The following ELAVL4 variants were observed in gnomAD, a reference collection of about 807,000 sequenced individuals.
The protein encoded by ELAVL4 is ELAV-like protein 4.
ELAVL4 carries 1 observed loss-of-function variant against 35.6 expected under a neutral mutation model. That is an observed-to-expected ratio of 0.03 (90% CI 0.01 to 0.13). The LOEUF (loss-of-function observed/expected upper bound fraction) is 0.13. Ranked by LOEUF, ELAVL4 falls within the 10% of genes least tolerant of loss-of-function variation. The pLI, the probability that ELAVL4 is intolerant of heterozygous loss-of-function variation, is 1.00. For synonymous variants in ELAVL4, 156 were observed against 171.0 expected, an observed-to-expected ratio of 0.91 and a Z score of 0.69; for missense variants, 267 against 464.9, an observed-to-expected ratio of 0.57 and a Z score of 3.91.
chr1:50,197,550 T>A (rs958709257), intron 6 of ELAVL4, 83 bp downstream of exon 6: 7 of 1,255,162 alleles, frequency 5.6e-6, no homozygotes, highest in Non-Finnish European at 7.5e-6. Context: ...TCACTAACTT[T>A]ACTTTAAAAG....
At chr1:50,130,995 A>G (rs575548366) in intron 1 of ELAVL4, among the ~76,000 whole-genome samples, 1 of 152,266 alleles carries the variant, frequency 6.6e-6, no homozygotes, top group Admixed American at 6.5e-5. Context: ...AAAAAAGGTA[A>G]ATTTCTGGGA....
At chr1:50,194,784 T>A (rs547549936) in intron 4 of ELAVL4, among the ~76,000 whole-genome samples, 1 of 152,108 alleles carries the variant, frequency 6.6e-6, no homozygotes, top group Non-Finnish European at 1.5e-5. Flanking sequence ...GAGGGCCCCA[T>A]TGAGGAGGCA....
chr1:50,109,889 T>G, intron 1 of ELAVL4: 1 of 1,610,278 alleles, frequency 6.2e-7, no homozygotes, highest in South Asian at 1.1e-5. Context: ...TACATAACGT[T>G]CCTTTCCGCT....
At chr1:50,158,490 C>A (rs1399695700) in intron 2 of ELAVL4, among the ~76,000 whole-genome samples, 1 of 152,094 alleles carries the variant, frequency 6.6e-6, no homozygotes, top group Non-Finnish European at 1.5e-5. Flanking sequence ...CAGCCACACA[C>A]AATTGTTTTG....
intron 1 of ELAVL4, among the ~76,000 whole-genome samples, chr1:50,129,895 T>G (rs1055117574): frequency 2.6e-5 from 4 of 152,136 alleles, no homozygotes; most frequent in Non-Finnish European, 5.9e-5. Flanking sequence ...TGTACTGAGC[T>G]CTGAACCAGG....
upstream of ELAVL4, chr1:50,103,808 C>T: frequency 8.7e-7 from 1 of 1,155,538 alleles, no homozygotes. Context: ...CCCCATTTTG[C>T]TAATTCAATT....
intron 1 of ELAVL4, among the ~76,000 whole-genome samples, chr1:50,073,111 T>C (rs1177624623): frequency 6.6e-6 from 1 of 152,234 alleles, no homozygotes; most frequent in Non-Finnish European, 1.5e-5. Context: ...TCTTCACCTG[T>C]GCATTCTACT....
At chr1:50,112,026 T>A (rs1667157972) in intron 1 of ELAVL4, among the ~76,000 whole-genome samples, 1 of 152,156 alleles carries the variant, frequency 6.6e-6, no homozygotes, top group South Asian at 2.1e-4. Context: ...GAAATATAAT[T>A]GGCTTTATTG....
At chr1:50,187,752 G>A (rs1682047799) in intron 3 of ELAVL4, among the ~76,000 whole-genome samples, 1 of 152,104 alleles carries the variant, frequency 6.6e-6, no homozygotes, top group South Asian at 2.1e-4. Context: ...ATAGAAGAAT[G>A]GAAGCTACAG....
chr1:50,052,371 A>G (rs923879860), intron 1 of ELAVL4, among the ~76,000 whole-genome samples: 12 of 152,192 alleles, frequency 7.9e-5, no homozygotes, highest in Admixed American at 3.3e-4. Context: ...TTATAACTGA[A>G]GCTGAGTTAG....
chr1:50,120,371 G>A (rs1668821869), intron 1 of ELAVL4, among the ~76,000 whole-genome samples: 2 of 151,984 alleles, frequency 1.3e-5, no homozygotes, highest in Non-Finnish European at 2.9e-5. Flanking sequence ...ATAGAGATGG[G>A]AACTTACAAG....
chr1:50,127,363 A>G (rs1009643304), intron 1 of ELAVL4, among the ~76,000 whole-genome samples: 15 of 152,140 alleles, frequency 9.9e-5, no homozygotes, highest in African/African-American at 3.6e-4. Flanking sequence ...AAGTACCAGG[A>G]CAGAGGAGAG....
chr1:50,109,247 G>A (rs1479820643), intron 1 of ELAVL4, 49 bp downstream of exon 1: 1 of 1,587,974 alleles, frequency 6.3e-7, no homozygotes, highest in South Asian at 1.1e-5. Flanking sequence ...CTGGAGGGAA[G>A]AAAAGCATCT....
chr1:50,173,141 T>C (rs1679338903), intron 2 of ELAVL4, among the ~76,000 whole-genome samples: 2 of 152,234 alleles, frequency 1.3e-5, no homozygotes, highest in Admixed American at 6.5e-5. Flanking sequence ...TGACTTACTA[T>C]GTGCAAGGAT....
intron 2 of ELAVL4, among the ~76,000 whole-genome samples, chr1:50,170,069 G>C (rs1015133269): frequency 1.3e-5 from 2 of 152,168 alleles, no homozygotes; most frequent in African/African-American, 2.4e-5. Flanking sequence ...CAATGTAAAA[G>C]AAAGGCATCA....
intron 1 of ELAVL4, among the ~76,000 whole-genome samples, chr1:50,135,209 C>T (rs7523561): frequency 0.039 from 5,998 of 152,082 alleles, 421 homozygotes; most frequent in African/African-American, 0.14. Flanking sequence ...GGATGCCTCA[C>T]GCTTACCTCA....
intron 2 of ELAVL4, among the ~76,000 whole-genome samples, chr1:50,168,948 A>ATG (rs1678473829): frequency 6.9e-6 from 1 of 145,276 alleles, no homozygotes; most frequent in African/African-American, 2.6e-5. Context: ...GGAGATATGT[A>ATG]TATATATATA....
chr1:50,168,644 G>T (rs1026664818), intron 2 of ELAVL4, among the ~76,000 whole-genome samples: 1 of 152,046 alleles, frequency 6.6e-6, no homozygotes, highest in Non-Finnish European at 1.5e-5. Context: ...ACAGTCAAAG[G>T]TATCATGTAT....
upstream of ELAVL4, among the ~76,000 whole-genome samples, chr1:50,108,711 C>G (rs1400771668): frequency 2.0e-5 from 3 of 152,088 alleles, no homozygotes; most frequent in Non-Finnish European, 2.9e-5. Flanking sequence ...TTGCTTCAGC[C>G]GGGCCTTAAT....
Sources: gnomAD v4.1 joint callset for allele counts (sites outside exome capture counted in the v4.1 genomes callset) on GRCh38, gnomAD v4.1.1 for gene constraint, MANE v1.5 for transcripts, NCBI Gene and HGNC (gene_info 2026-07-23, HGNC 2026-07-21) for gene names.